The following DEFB123 variants were observed in gnomAD, a reference collection of about 807,000 sequenced individuals.
DEFB123 encodes the protein defensin beta 123.
For missense variants in DEFB123, 71 were observed against 75.0 expected, an observed-to-expected ratio of 0.95 and a Z score of 0.20; for synonymous variants, 22 against 28.3, an observed-to-expected ratio of 0.78 and a Z score of 0.71.
At chr20:31,443,284 A>G (rs1979510603) in intron 1 of DEFB123, among the ~76,000 whole-genome samples, 2 of 151,994 alleles carry the variant, frequency 1.3e-5, no homozygotes, top group African/African-American at 4.8e-5. Flanking sequence ...CTAGGGGTGT[A>G]CTCTTGGCAG....
At chr20:31,444,126 A>C (rs1251687797) in intron 1 of DEFB123, among the ~76,000 whole-genome samples, 1 of 152,126 alleles carries the variant, frequency 6.6e-6, no homozygotes, top group Non-Finnish European at 1.5e-5. Flanking sequence ...CTTTTTGACA[A>C]CCAATGGATT....
At chr20:31,448,878 A>ATTTT (rs34804733) in intron 1 of DEFB123, among the ~76,000 whole-genome samples, 2 of 119,978 alleles carry the variant, frequency 1.7e-5, no homozygotes, top group Non-Finnish European at 3.4e-5. Flanking sequence ...CGCCCAGCTA[A>ATTTT]TTTTTTTTTT....
At chr20:31,445,626 A>G (rs1171931324) in intron 1 of DEFB123, among the ~76,000 whole-genome samples, 4 of 152,020 alleles carry the variant, frequency 2.6e-5, no homozygotes, top group Non-Finnish European at 5.9e-5. Context: ...TGCAACCTCC[A>G]CCTCCCAGGT....
At position 31,450,094 on chromosome 20, in the gene DEFB123, GTC is replaced by G; in HGVS notation, c.126_127del (p.Tyr43CysfsTer6). On this transcript the variant is annotated frameshift_variant, in exon 2 of 2. Coordinates refer to ENST00000376309, the MANE Select transcript of DEFB123 (RefSeq NM_153324.4). LOFTEE classifies it low-confidence loss of function (END_TRUNC). ...TTACAGATGCTCCAAGAAGGAAAGA[GTC>G]TATGTTTACTGCATAAATAATAAAA... The part of the protein sequence containing the change: ...CRYRCSKKER[V>X]YVYCINNKMC... The G allele has an allele frequency of 6.2e-7, 1 of 1,613,018 alleles. No homozygotes were observed. The highest frequency in any genetic ancestry group is 1.1e-5 in the South Asian group (1 of 90,898).
intron 1 of DEFB123, among the ~76,000 whole-genome samples, chr20:31,441,078 C>T (rs1249606143): frequency 6.6e-6 from 1 of 152,102 alleles, no homozygotes; most frequent in African/African-American, 2.4e-5. Context: ...GCAAAATAGT[C>T]CCCAGAATGA....
At position 31,440,657 on chromosome 20, in the gene DEFB123, C is replaced by T. The variant is rs745760041; in HGVS notation, c.-42C>T. 5.6e-6 allele frequency: 9 copies of T among 1,612,192 alleles called. 1 individual carries two copies. Among genetic ancestry groups the T allele is most frequent in the South Asian group, 4.4e-5 (4 of 91,028 alleles). On this transcript the variant is annotated 5_prime_UTR_variant, in exon 1 of 2. Transcript: ENST00000376309. ...ACTCTCCTTCTCCCATTAGCTCAGC[C>T]GTGGCATCGGACTTGCAGCTTCATT...
chr20:31,443,511 A>T (rs1979514876), intron 1 of DEFB123, among the ~76,000 whole-genome samples: 1 of 152,228 alleles, frequency 6.6e-6, no homozygotes, highest in Non-Finnish European at 1.5e-5. Context: ...TCTAAGAGGC[A>T]GAGAGTAAGT....
chr20:31,449,933 T>G, intron 1 of DEFB123, 96 bp from the exon 2 acceptor site: 1 of 1,408,852 alleles, frequency 7.1e-7, no homozygotes, highest in Non-Finnish European at 9.4e-7. Flanking sequence ...CAAGGGACCT[T>G]CTATCTCATC....
chr20:31,445,435 A>G (rs1380644824), intron 1 of DEFB123, among the ~76,000 whole-genome samples: 1 of 152,218 alleles, frequency 6.6e-6, no homozygotes, highest in African/African-American at 2.4e-5. Context: ...TTAGCAGTAC[A>G]GTGCATATAG....
intron 1 of DEFB123, among the ~76,000 whole-genome samples, chr20:31,445,115 C>T (rs182213585): frequency 1.6e-4 from 25 of 152,304 alleles, no homozygotes; most frequent in Admixed American, 1.5e-3. Context: ...ATTGCATACT[C>T]AAGGTAAAAT....
chr20:31,448,593 T>C (rs1372078646), intron 1 of DEFB123, among the ~76,000 whole-genome samples: 1 of 152,198 alleles, frequency 6.6e-6, no homozygotes, highest in Non-Finnish European at 1.5e-5. Context: ...TGTTGCTATG[T>C]CTTCAAGTTC....
chr20:31,442,153 G>A (rs1378055904), intron 1 of DEFB123, among the ~76,000 whole-genome samples: 1 of 152,132 alleles, frequency 6.6e-6, no homozygotes, highest in Non-Finnish European at 1.5e-5. Context: ...GGGTGACAAG[G>A]CACATAGGGG....
intron 1 of DEFB123, among the ~76,000 whole-genome samples, chr20:31,441,026 G>A (rs1439534858): frequency 6.6e-6 from 1 of 152,234 alleles, no homozygotes; most frequent in Non-Finnish European, 1.5e-5. Context: ...GGAGGGGTGA[G>A]CAAGAGAAGC....
intron 1 of DEFB123, among the ~76,000 whole-genome samples, chr20:31,444,768 A>T (rs1049712617): frequency 2.0e-5 from 3 of 152,208 alleles, no homozygotes; most frequent in Non-Finnish European, 2.9e-5. Flanking sequence ...ATAAGTGCAC[A>T]TCTTTGTAAC....
At chr20:31,449,024 G>A (rs376496970) in intron 1 of DEFB123, among the ~76,000 whole-genome samples, 3 of 151,738 alleles carry the variant, frequency 2.0e-5, no homozygotes, top group Non-Finnish European at 2.9e-5. Context: ...CATCGTGCCC[G>A]GCCATGAATA....
At chr20:31,443,418 C>T (rs1191008004) in intron 1 of DEFB123, among the ~76,000 whole-genome samples, 1 of 152,186 alleles carries the variant, frequency 6.6e-6, no homozygotes. Flanking sequence ...TTCTAATCCC[C>T]CTTCAGGTAG....
In DEFB123 at chr20:31,447,317, G is replaced by T. The variant is rs1420961579; in HGVS notation, c.59-2712G>T. Among the ~76,000 whole-genome samples the T allele has an allele frequency of 2.6e-5, 4 of 152,018 alleles. No homozygotes were observed. The South Asian group carries it at 8.3e-4, about 32-fold the overall frequency. ...AATAAATGTTTAATTGAGAACAAAA[G>T]TTGTTTACATTTACCCATAGTTATC... On this transcript the variant is annotated intron_variant, in intron 1 of 1. Coordinates refer to ENST00000376309, the MANE Select transcript of DEFB123 (RefSeq NM_153324.4).
At chr20:31,443,355 T>G (rs1383696795) in intron 1 of DEFB123, among the ~76,000 whole-genome samples, 1 of 152,194 alleles carries the variant, frequency 6.6e-6, no homozygotes, top group Non-Finnish European at 1.5e-5. Flanking sequence ...CTTCTGGGTC[T>G]ATTTTATTCA....
intron 1 of DEFB123, 105 bp downstream of exon 1, chr20:31,440,861 C>G (rs1403377376): frequency 5.1e-6 from 7 of 1,384,610 alleles, no homozygotes; most frequent in South Asian, 1.2e-5. Flanking sequence ...TCTAGCACCA[C>G]GTATAGGAGG....
Sources: allele counts gnomAD v4.1 joint callset (sites outside exome capture counted in the v4.1 genomes callset), GRCh38; gene constraint gnomAD v4.1.1; transcripts MANE v1.5; gene names NCBI Gene and HGNC (gene_info 2026-07-23, HGNC 2026-07-21).